SGCZ: variants seen among roughly 807,000 people sequenced by gnomAD.
The protein encoded by SGCZ is zeta-sarcoglycan.
SGCZ carries 40 observed loss-of-function variants against 41.3 expected under a neutral mutation model. The observed-to-expected ratio is 0.97, with a 90% CI of 0.75 to 1.26. The LOEUF is 1.26. Ranked by LOEUF, SGCZ falls within the 50% of genes most tolerant of loss-of-function variation. The pLI, the probability that SGCZ is intolerant of heterozygous loss-of-function variation, is 0.00. For missense variants in SGCZ, 552 were observed against 369.8 expected, an observed-to-expected ratio of 1.49 and a Z score of -4.04; for synonymous variants, 206 against 137.5, an observed-to-expected ratio of 1.50 and a Z score of -3.49.
intron 3 of SGCZ, among the ~76,000 whole-genome samples, chr8:14,240,373 G>C (rs1304715086): frequency 2.1e-5 from 3 of 145,072 alleles, no homozygotes; most frequent in East Asian, 2.0e-4. Context: ...AAGTTTAAAA[G>C]TTTAATCATT....
At chr8:15,172,158 T>G (rs1799853341) in intron 1 of SGCZ, among the ~76,000 whole-genome samples, 1 of 93,980 alleles carries the variant, frequency 1.1e-5, no homozygotes, top group South Asian at 4.2e-4. Context: ...TACTCTGTTT[T>G]TTTTTTTTTT....
chr8:14,812,527 G>A (rs1057356008), intron 1 of SGCZ, among the ~76,000 whole-genome samples: 9 of 152,058 alleles, frequency 5.9e-5, no homozygotes, highest in Non-Finnish European at 1.2e-4. Flanking sequence ...CTGCTCAAAC[G>A]TTGGCTTCAT....
At chr8:15,226,401 G>C (rs1050840838) in intron 1 of SGCZ, among the ~76,000 whole-genome samples, 1 of 152,158 alleles carries the variant, frequency 6.6e-6, no homozygotes, top group Non-Finnish European at 1.5e-5. Flanking sequence ...CATCAAGATA[G>C]AAAATCAAAA....
intron 1 of SGCZ, among the ~76,000 whole-genome samples, chr8:14,853,280 A>G (rs1803407200): frequency 6.6e-6 from 1 of 152,270 alleles, no homozygotes; most frequent in East Asian, 1.9e-4. Flanking sequence ...ACAACTAGGT[A>G]TTTTATGAGA....
intron 4 of SGCZ, among the ~76,000 whole-genome samples, chr8:14,193,007 T>A (rs1434217476): frequency 6.6e-6 from 1 of 151,998 alleles, no homozygotes; most frequent in Non-Finnish European, 1.5e-5. Flanking sequence ...TTTCTAAATA[T>A]ACAAATTATG....
At chr8:14,483,964 C>T (rs1250507537) in intron 2 of SGCZ, among the ~76,000 whole-genome samples, 1 of 152,138 alleles carries the variant, frequency 6.6e-6, no homozygotes, top group African/African-American at 2.4e-5. Context: ...TTTCTTCTCT[C>T]TACTTGGCAT....
rs79215840 is a variant in SGCZ at position 14,549,121 on chromosome 8, G to GA, written c.234+5610dup. 2.2e-3 allele frequency among the ~76,000 whole-genome samples: 328 copies of GA among 151,960 alleles called. 9 individuals are homozygous for GA. The East Asian group carries it at 0.055, about 25-fold the overall frequency. On this transcript the variant is annotated intron_variant, in intron 2 of 7. Transcript: ENST00000382080. ...TCTTGCCTTAAGGTAGAGTAGTATGGAAAATAGCGACTTTAAGTAAAATTC... is the reference window on the plus strand; with the variant it reads ...TCTTGCCTTAAGGTAGAGTAGTATGGAAAAATAGCGACTTTAAGTAAAATTC...
chr8:14,771,332 G>T (rs1256781175), intron 1 of SGCZ, among the ~76,000 whole-genome samples: 1 of 152,048 alleles, frequency 6.6e-6, no homozygotes, highest in Non-Finnish European at 1.5e-5. Flanking sequence ...TAAGAGTAAT[G>T]GATTAAAATC....
intron 1 of SGCZ, among the ~76,000 whole-genome samples, chr8:15,001,823 A>G (rs138652262): frequency 1.9e-4 from 29 of 151,934 alleles, no homozygotes; most frequent in African/African-American, 7.0e-4. Flanking sequence ...TGCCATTATT[A>G]TCTTCATTTT....
intron 1 of SGCZ, among the ~76,000 whole-genome samples, chr8:15,131,763 T>G (rs1308608610): frequency 2.1e-5 from 2 of 94,158 alleles, no homozygotes; most frequent in African/African-American, 6.5e-5. Flanking sequence ...AACTCCTCCT[T>G]ATCCCATGAA....
intron 1 of SGCZ, among the ~76,000 whole-genome samples, chr8:15,050,322 G>A (rs573864543): frequency 6.6e-6 from 1 of 152,128 alleles, no homozygotes; most frequent in Non-Finnish European, 1.5e-5. Flanking sequence ...GTAGTTCAGA[G>A]GAGAGGTTTA....
chr8:14,817,204 C>T (rs974365960), intron 1 of SGCZ, among the ~76,000 whole-genome samples: 14 of 152,254 alleles, frequency 9.2e-5, no homozygotes, highest in East Asian at 3.9e-4. Context: ...CCCAGGATAA[C>T]GCCATAGAGA....
chr8:14,780,966 C>A (rs1800570373), intron 1 of SGCZ, among the ~76,000 whole-genome samples: 1 of 151,946 alleles, frequency 6.6e-6, no homozygotes, highest in Non-Finnish European at 1.5e-5. Flanking sequence ...ATAAAAGAAA[C>A]CAGGTTGTTG....
chr8:14,322,574 C>T (rs771137200), intron 3 of SGCZ, among the ~76,000 whole-genome samples: 5 of 152,066 alleles, frequency 3.3e-5, no homozygotes, highest in Non-Finnish European at 5.9e-5. Context: ...ATTCTACAAC[C>T]TGCCTGCTGG....
chr8:15,023,040 G>A (rs1435949937), intron 1 of SGCZ, among the ~76,000 whole-genome samples: 2 of 152,100 alleles, frequency 1.3e-5, no homozygotes, highest in Non-Finnish European at 1.5e-5. Flanking sequence ...TGTCTGATTA[G>A]TCAGTCAGCT....
chr8:14,111,489 A>T (rs1290042112), intron 5 of SGCZ, among the ~76,000 whole-genome samples: 1 of 152,234 alleles, frequency 6.6e-6, no homozygotes, highest in Non-Finnish European at 1.5e-5. Context: ...GGAACACAAC[A>T]GAGACACATA....
intron 1 of SGCZ, among the ~76,000 whole-genome samples, chr8:14,742,836 C>T (rs561856375): frequency 6.6e-6 from 1 of 152,100 alleles, no homozygotes; most frequent in African/African-American, 2.4e-5. Context: ...TACACTTTAC[C>T]TTTATCACAA....
rs11456903 is a variant in SGCZ at position 14,971,645 on chromosome 8, CTT to C, written c.39+265938_39+265939del. 1.1e-3 allele frequency among the ~76,000 whole-genome samples: 130 copies of C among 114,634 alleles called. 1 individual carries two copies. Among genetic ancestry groups the C allele is most frequent in the Middle Eastern group, 5.1e-3 (1 of 196 alleles). 75.2% of individuals were successfully genotyped at this position (114,634 alleles called of 152,430 possible). ...CATGAGGCATTACTCATTTTATATA[CTT>C]TTTTTTTTTTTTTTTTTTAATGCGA... On this transcript the variant is annotated intron_variant, in intron 1 of 7. Transcript: ENST00000382080.
intron 2 of SGCZ, among the ~76,000 whole-genome samples, chr8:14,348,684 G>A (rs1802978071): frequency 1.3e-5 from 2 of 152,096 alleles, no homozygotes; most frequent in South Asian, 4.1e-4. Context: ...TAGTTGGAAA[G>A]ATATCTAACA....
Sources: gnomAD v4.1 joint callset for allele counts (sites outside exome capture counted in the v4.1 genomes callset) on GRCh38, gnomAD v4.1.1 for gene constraint, MANE v1.5 for transcripts, NCBI Gene and HGNC (gene_info 2026-07-23, HGNC 2026-07-21) for gene names.